PTPRR: variants seen among roughly 807,000 people sequenced by gnomAD.
PTPRR encodes the protein receptor-type tyrosine-protein phosphatase R.
A neutral mutation model predicts 77.2 loss-of-function variants in PTPRR; 38 were observed. The observed-to-expected ratio is 0.49, with a 90% CI of 0.38 to 0.65. The LOEUF is 0.65. PTPRR is among the 30% of genes least tolerant of loss of function. The pLI is 0.00. For synonymous variants in PTPRR, 299 were observed against 283.1 expected (o/e 1.06, Z -0.57); for missense variants, 744 against 799.2 (o/e 0.93, Z 0.83).
chr12:70,672,216 C>T (rs1383025928), intron 10 of PTPRR: 11 of 1,580,698 alleles, frequency 7.0e-6, no homozygotes, highest in Non-Finnish European at 8.6e-6. Context: ...ACCTCCCTGG[C>T]TCCAGCCACA....
At chr12:70,845,360 G>A (rs147558475) in intron 2 of PTPRR, among the ~76,000 whole-genome samples, 41 of 152,236 alleles carry the variant, frequency 2.7e-4, no homozygotes, top group African/African-American at 9.6e-4. Context: ...AAATAATACT[G>A]AACCATACTA....
rs74930934 is a variant in PTPRR at position 70,919,914 on chromosome 12, C to A, written c.58+419G>T. On this transcript the variant is annotated intron_variant, in intron 1 of 13. Transcript: ENST00000283228. ...GTTACAGCCAATGCCTTCCTATGAG[C>A]GCTCGCTAGACCAAGAGACCTTATG... 1.7e-3 allele frequency among the ~76,000 whole-genome samples: 257 copies of A among 151,952 alleles called. 1 individual carries two copies. The East Asian group carries it at 0.042, about 25-fold the overall frequency.
intron 6 of PTPRR, among the ~76,000 whole-genome samples, chr12:70,723,338 G>C (rs965735156): frequency 1.3e-5 from 2 of 151,756 alleles, no homozygotes; most frequent in Non-Finnish European, 2.9e-5. Context: ...CTTTTTGAGG[G>C]CTTTTTTTTT....
intron 2 of PTPRR, among the ~76,000 whole-genome samples, chr12:70,786,788 T>C (rs1891330795): frequency 1.3e-5 from 2 of 152,212 alleles, no homozygotes; most frequent in Admixed American, 6.5e-5. Flanking sequence ...CACGGTAAAA[T>C]GAAATGAGGT....
intron 5 of PTPRR, among the ~76,000 whole-genome samples, chr12:70,748,670 C>T (rs983921764): frequency 6.6e-5 from 10 of 152,196 alleles, no homozygotes; most frequent in South Asian, 4.1e-4. Flanking sequence ...TAAAAAAATT[C>T]GATGAAGCTT....
chr12:70,807,162 A>G (rs1019791753), intron 2 of PTPRR, among the ~76,000 whole-genome samples: 3 of 152,192 alleles, frequency 2.0e-5, no homozygotes, highest in African/African-American at 7.2e-5. Flanking sequence ...ACAACCATGA[A>G]GTAGAAAGTA....
chr12:70,651,604 G>A (rs544321325), intron 13 of PTPRR, among the ~76,000 whole-genome samples: 132 of 152,272 alleles, frequency 8.7e-4, no homozygotes, highest in Non-Finnish European at 1.1e-3. Context: ...CGTTGTCATT[G>A]CATTTTGTTT....
chr12:70,801,160 G>A (rs2137020159), intron 2 of PTPRR, among the ~76,000 whole-genome samples: 1 of 152,218 alleles, frequency 6.6e-6, no homozygotes, highest in Admixed American at 6.5e-5. Flanking sequence ...GTACAAACTA[G>A]GCAGTTCCTT....
intron 2 of PTPRR, among the ~76,000 whole-genome samples, chr12:70,859,230 T>C (rs922767435): frequency 1.3e-5 from 2 of 152,094 alleles, no homozygotes; most frequent in Non-Finnish European, 2.9e-5. Context: ...ATGCCAATGT[T>C]TGTCAACTCT....
intron 13 of PTPRR, among the ~76,000 whole-genome samples, chr12:70,644,072 C>T (rs1886109196): frequency 6.9e-6 from 1 of 144,618 alleles, no homozygotes; most frequent in Non-Finnish European, 1.5e-5. Context: ...TGAAAAAAGG[C>T]AATTATGTAA....
intron 12 of PTPRR, among the ~76,000 whole-genome samples, chr12:70,657,815 A>G (rs1886640106): frequency 6.6e-6 from 1 of 151,852 alleles, no homozygotes; most frequent in African/African-American, 2.4e-5. Context: ...CACTTCTTCT[A>G]TTTTCCATCT....
chr12:70,705,797 T>C (rs1337901285), intron 6 of PTPRR, among the ~76,000 whole-genome samples: 2 of 152,022 alleles, frequency 1.3e-5, no homozygotes, highest in African/African-American at 4.8e-5. Context: ...CGTCAAATCT[T>C]ATGTGGTGAG....
At chr12:70,640,357 G>C (rs1357229146) in intron 13 of PTPRR, among the ~76,000 whole-genome samples, 1 of 151,510 alleles carries the variant, frequency 6.6e-6, no homozygotes, top group African/African-American at 2.4e-5. Flanking sequence ...TTTTTTTCTT[G>C]TAGAGACAAG....
chr12:70,912,612 T>C (rs977391863), intron 1 of PTPRR, among the ~76,000 whole-genome samples: 4 of 152,326 alleles, frequency 2.6e-5, no homozygotes, highest in East Asian at 1.9e-4. Context: ...TGGCTGCAAT[T>C]TTAATGGACA....
At chr12:70,913,141 A>G (rs1177449677) in intron 1 of PTPRR, among the ~76,000 whole-genome samples, 1 of 152,168 alleles carries the variant, frequency 6.6e-6, no homozygotes, top group Non-Finnish European at 1.5e-5. Context: ...ATCTCACATA[A>G]AGCGATTTTT....
chr12:70,872,187 A>G (rs1266069377), intron 2 of PTPRR, among the ~76,000 whole-genome samples: 4 of 152,156 alleles, frequency 2.6e-5, no homozygotes, highest in Non-Finnish European at 5.9e-5. Context: ...AATTACATTT[A>G]GATATAACTT....
At chr12:70,678,564 T>C (rs1887535905) in intron 10 of PTPRR, among the ~76,000 whole-genome samples, 1 of 152,204 alleles carries the variant, frequency 6.6e-6, no homozygotes, top group Non-Finnish European at 1.5e-5. Context: ...TCAAACATGA[T>C]CTTTTCTTTT....
At chr12:70,884,724 T>C (rs1408852560) in intron 2 of PTPRR, among the ~76,000 whole-genome samples, 1 of 150,196 alleles carries the variant, frequency 6.7e-6, no homozygotes, top group Non-Finnish European at 1.5e-5. Context: ...AAAAAAAAAT[T>C]ACCCGGGCGT....
intron 2 of PTPRR, among the ~76,000 whole-genome samples, chr12:70,801,633 T>G (rs1233526312): frequency 1.3e-5 from 2 of 152,212 alleles, no homozygotes; most frequent in Non-Finnish European, 2.9e-5. Context: ...TTCAGGCTTT[T>G]GTACTCAGAC....
Sources: gnomAD v4.1 joint callset for allele counts (sites outside exome capture counted in the v4.1 genomes callset) on GRCh38, gnomAD v4.1.1 for gene constraint, MANE v1.5 for transcripts, NCBI Gene and HGNC (gene_info 2026-07-23, HGNC 2026-07-21) for gene names.